SH3RF3: variants seen among roughly 807,000 people sequenced by gnomAD.
SH3RF3 encodes the protein SH3 domain containing ring finger 3, also known as E3 ubiquitin-protein ligase SH3RF3.
SH3RF3 carries 29 observed loss-of-function variants against 66.3 expected under a neutral mutation model. The observed-to-expected ratio is 0.44, with a 90% CI of 0.33 to 0.60. SH3RF3 has a LOEUF of 0.60. SH3RF3 is among the 20% of genes least tolerant of loss of function. SH3RF3 has a pLI of 0.04. For missense variants in SH3RF3, 1,194 were observed against 1,190.9 expected, an observed-to-expected ratio of 1.00 and a Z score of -0.04; for synonymous variants, 583 against 532.0, an observed-to-expected ratio of 1.10 and a Z score of -1.32.
At chr2:109,360,251 A>G (rs1683028380) in intron 2 of SH3RF3, among the ~76,000 whole-genome samples, 1 of 152,138 alleles carries the variant, frequency 6.6e-6, no homozygotes, top group African/African-American at 2.4e-5. Context: ...ATAATATGTC[A>G]TATTTTTTAC....
chr2:109,258,588 G>C (rs959068194), intron 1 of SH3RF3, among the ~76,000 whole-genome samples: 3 of 152,192 alleles, frequency 2.0e-5, no homozygotes, highest in South Asian at 4.1e-4. Flanking sequence ...CAGTCATCCC[G>C]CAATTCCCCA....
intron 2 of SH3RF3, among the ~76,000 whole-genome samples, chr2:109,349,851 G>A (rs1447927060): frequency 4.6e-5 from 7 of 152,246 alleles, no homozygotes; most frequent in Non-Finnish European, 8.8e-5. Flanking sequence ...CCCAGGATGT[G>A]CAACCCCAGG....
At chr2:109,263,607 C>T (rs899689432) in intron 1 of SH3RF3, among the ~76,000 whole-genome samples, 1 of 152,168 alleles carries the variant, frequency 6.6e-6, no homozygotes, top group Admixed American at 6.5e-5. Context: ...TTGAGCAAAG[C>T]TAATAGATGA....
intron 8 of SH3RF3, among the ~76,000 whole-genome samples, chr2:109,469,700 G>A (rs1020054539): frequency 6.6e-6 from 1 of 152,162 alleles, no homozygotes; most frequent in African/African-American, 2.4e-5. Context: ...CAAGCAAATA[G>A]TAATAAGTCT....
intron 4 of SH3RF3, among the ~76,000 whole-genome samples, chr2:109,409,025 A>G (rs1676521817): frequency 6.6e-6 from 1 of 152,232 alleles, no homozygotes; most frequent in African/African-American, 2.4e-5. Flanking sequence ...TAGGCGAGAA[A>G]GGGGTCCTAT....
chr2:109,323,458 G>C (rs1440398211), intron 1 of SH3RF3, among the ~76,000 whole-genome samples: 1 of 152,220 alleles, frequency 6.6e-6, no homozygotes, highest in Non-Finnish European at 1.5e-5. Context: ...GTGAGATTTA[G>C]AAAAACAACC....
chr2:109,335,813 G>A (rs1682403019), intron 1 of SH3RF3, among the ~76,000 whole-genome samples: 1 of 152,162 alleles, frequency 6.6e-6, no homozygotes, highest in Admixed American at 6.5e-5. Flanking sequence ...ACCTTACGCG[G>A]CTGTAGAGAG....
At chr2:109,199,335 G>T (rs1574498998) in intron 1 of SH3RF3, among the ~76,000 whole-genome samples, 1 of 714 alleles carries the variant, frequency 1.4e-3, no homozygotes, top group East Asian at 0.019. Context: ...AAGTAAAATG[G>T]AATGGAATGG....
At chr2:109,212,603 G>A (rs375860195) in intron 1 of SH3RF3, among the ~76,000 whole-genome samples, 2 of 152,320 alleles carry the variant, frequency 1.3e-5, no homozygotes, top group African/African-American at 4.8e-5. Flanking sequence ...ACATTTGACA[G>A]ATCTTTTGGG....
At chr2:109,486,562 T>C (rs1416513145) in intron 8 of SH3RF3, among the ~76,000 whole-genome samples, 1 of 152,216 alleles carries the variant, frequency 6.6e-6, no homozygotes, top group Non-Finnish European at 1.5e-5. Context: ...GCATTAGTCC[T>C]TTAAAAGCGC....
intron 3 of SH3RF3, among the ~76,000 whole-genome samples, chr2:109,380,774 C>T (rs1262761576): frequency 5.3e-5 from 8 of 152,224 alleles, no homozygotes; most frequent in African/African-American, 1.7e-4. Context: ...GCAATCCCTG[C>T]CCACCAGGTG....
At chr2:109,213,132 T>C (rs2105115286) in intron 1 of SH3RF3, among the ~76,000 whole-genome samples, 1 of 152,302 alleles carries the variant, frequency 6.6e-6, no homozygotes, top group Non-Finnish European at 1.5e-5. Context: ...CTGCAAGTCA[T>C]GAACACCCAG....
intron 1 of SH3RF3, among the ~76,000 whole-genome samples, chr2:109,204,455 G>A (rs1042233508): frequency 2.0e-5 from 3 of 152,144 alleles, no homozygotes; most frequent in Non-Finnish European, 4.4e-5. Flanking sequence ...GTTAAAACTG[G>A]GTTCACTTGT....
At chr2:109,137,478 C>T (rs1482058367) in intron 1 of SH3RF3, among the ~76,000 whole-genome samples, 1 of 152,174 alleles carries the variant, frequency 6.6e-6, no homozygotes, top group African/African-American at 2.4e-5. Flanking sequence ...AGAGAACTTG[C>T]TGCTGTGGCT....
In SH3RF3 at chr2:109,393,041, G is replaced by A. The variant is rs533203491; in HGVS notation, c.946-5549G>A. On this transcript the variant is annotated intron_variant, in intron 3 of 9. Transcript: ENST00000309415. ...ACTGGCAAGTGTTGATCGAAGTCCA[G>A]CCCAGCCCAGCCATCTTGCCTGCCC... 3.3e-5 allele frequency among the ~76,000 whole-genome samples: 5 copies of A among 152,196 alleles called. 1 individual carries two copies. The highest frequency in any genetic ancestry group is 1.2e-4 in the African/African-American group (5 of 41,540).
At chr2:109,472,304 C>T (rs1678537368) in intron 8 of SH3RF3, among the ~76,000 whole-genome samples, 1 of 151,340 alleles carries the variant, frequency 6.6e-6, no homozygotes, top group African/African-American at 2.4e-5. Context: ...AGGACCCGGC[C>T]AGGGGCCTCC....
intron 2 of SH3RF3, among the ~76,000 whole-genome samples, chr2:109,356,233 T>A (rs1468328854): frequency 6.6e-6 from 1 of 152,158 alleles, no homozygotes; most frequent in East Asian, 1.9e-4. Context: ...TACACCAAAA[T>A]GACTGCCAAC....
intron 1 of SH3RF3, among the ~76,000 whole-genome samples, chr2:109,222,961 T>C (rs1227201856): frequency 6.6e-6 from 1 of 152,196 alleles, no homozygotes; most frequent in Non-Finnish European, 1.5e-5. Context: ...ACGGTCCCCA[T>C]ACTCTCCCAT....
intron 3 of SH3RF3, among the ~76,000 whole-genome samples, chr2:109,372,716 C>T: frequency 6.6e-6 from 1 of 152,190 alleles, no homozygotes; most frequent in Non-Finnish European, 1.5e-5. Flanking sequence ...GCTCTCACAC[C>T]ATATCCTGCC....
Sources: gnomAD v4.1 joint callset for allele counts (sites outside exome capture counted in the v4.1 genomes callset) on GRCh38, gnomAD v4.1.1 for gene constraint, MANE v1.5 for transcripts, NCBI Gene and HGNC (gene_info 2026-07-23, HGNC 2026-07-21) for gene names.